The following DOCK3 variants were observed in gnomAD, a reference collection of about 807,000 sequenced individuals.
DOCK3 encodes dedicator of cytokinesis 3, also known as dedicator of cytokinesis protein 3.
DOCK3 carries 60 observed loss-of-function variants against 265.6 expected under a neutral mutation model. The ratio of observed to expected loss-of-function variants is 0.23; its 90% CI spans 0.18 to 0.28. DOCK3 has a LOEUF of 0.28. Ranked by LOEUF, DOCK3 falls within the 10% of genes least tolerant of loss-of-function variation. The pLI is 1.00. For synonymous variants in DOCK3, 881 were observed against 938.0 expected, an observed-to-expected ratio of 0.94 and a Z score of 1.11; for missense variants, 1,981 against 2,594.3, an observed-to-expected ratio of 0.76 and a Z score of 5.14.
At chr3:51,141,104 TG>T (rs978449414) in intron 9 of DOCK3, among the ~76,000 whole-genome samples, 1 of 152,098 alleles carries the variant, frequency 6.6e-6, no homozygotes, top group Non-Finnish European at 1.5e-5. Flanking sequence ...TCCCTTTTTT[TG>T]TTGTTGCTTG....
At chr3:50,917,409 T>C (rs940137554) in intron 4 of DOCK3, among the ~76,000 whole-genome samples, 1 of 152,114 alleles carries the variant, frequency 6.6e-6, no homozygotes, top group Non-Finnish European at 1.5e-5. Flanking sequence ...CCAGGTGTCC[T>C]ATTTCTTCTT....
chr3:50,968,018 T>C (rs2077083945), intron 5 of DOCK3, among the ~76,000 whole-genome samples: 1 of 151,884 alleles, frequency 6.6e-6, no homozygotes, highest in Non-Finnish European at 1.5e-5. Context: ...AGAGTTGCCT[T>C]TTCTCCACAT....
chr3:51,051,092 TC>T (rs1267462193), intron 5 of DOCK3, among the ~76,000 whole-genome samples: 2 of 152,218 alleles, frequency 1.3e-5, no homozygotes, highest in Non-Finnish European at 2.9e-5. Context: ...TCTACCTTAT[TC>T]AGAGTAACAT....
intron 9 of DOCK3, among the ~76,000 whole-genome samples, chr3:51,098,192 G>A (rs550004393): frequency 7.4e-4 from 113 of 152,258 alleles, no homozygotes; most frequent in Non-Finnish European, 1.1e-3. Flanking sequence ...GAGCAGCTGG[G>A]ATTACAGGTG....
In DOCK3 at chr3:51,381,242, G is replaced by A. The variant is rs868974271; in HGVS notation, c.5776G>A (p.Glu1926Lys). Residue 1926 changes from glutamate (E) to lysine (K), a missense_variant, in exon 53 of 53, where the codon GAA becomes AAA. By Grantham distance (56) the Glu-to-Lys change is moderately conservative. Around this residue, in one of 4 missense-constraint regions of DOCK3, gnomAD observed 1,357 missense variants for 1,866.8 expected, o/e 0.73. Coordinates refer to ENST00000266037, the MANE Select transcript of DOCK3 (RefSeq NM_004947.5). This position sits in a 1 kb window ranked among gnomAD's most constrained non-coding sequence, Gnocchi z 5.6. The part of the protein sequence containing the change: ...SMPSQAWNAD[E>K]DLEPPYLPVH... ...GCCAAGTCAGGCCTGGAATGCTGAC[G>A]AAGATCTTGAGCCACCCTACCTCCC... The A allele has an allele frequency of 6.8e-6, 11 of 1,613,712 alleles. No individual in the cohort carries two copies. Among genetic ancestry groups the A allele is most frequent in the African/African-American group, 5.3e-5 (4 of 74,902 alleles).
chr3:50,874,078 T>TTTTG lies in DOCK3; in HGVS notation c.163-15946_163-15945insTGTT, dbSNP rs1553689749. 4.0e-5 allele frequency among the ~76,000 whole-genome samples: 6 copies of TTTTG among 149,954 alleles called. 2 individuals are homozygous for TTTTG. The highest frequency in any genetic ancestry group is 1.5e-4 in the African/African-American group (6 of 41,196). On this transcript the variant is annotated intron_variant, in intron 3 of 52. Coordinates refer to ENST00000266037, the MANE Select transcript of DOCK3 (RefSeq NM_004947.5). ...TTTCTTTTCTTTTGTTTTTTTTTTTTTTGTTAAATTGTTGTACTCTTAGTG... is the reference window on the plus strand; with the variant it reads ...TTTCTTTTCTTTTGTTTTTTTTTTTTTTTGTTGTTAAATTGTTGTACTCTTAGTG...
intron 24 of DOCK3, 128 bp from the exon 25 acceptor site, chr3:51,274,951 A>ACC (rs2080729112): frequency 9.4e-7 from 1 of 1,069,514 alleles, no homozygotes; most frequent in East Asian, 2.4e-5. Flanking sequence ...TAAGGAGATT[A>ACC]CCTTCACTTT....
At chr3:50,681,040 A>G (rs2034370018) in intron 1 of DOCK3, among the ~76,000 whole-genome samples, 1 of 152,036 alleles carries the variant, frequency 6.6e-6, no homozygotes, top group Non-Finnish European at 1.5e-5. Flanking sequence ...CTTTGCCTAG[A>G]CCAATGTCCT....
At chr3:51,250,144 G>A (rs969162214) in intron 22 of DOCK3, among the ~76,000 whole-genome samples, 7 of 151,656 alleles carry the variant, frequency 4.6e-5, no homozygotes, top group Admixed American at 2.0e-4. Flanking sequence ...GCGGAAGGCC[G>A]CAGGGTCCTC....
chr3:51,010,576 T>C (rs9713647), intron 5 of DOCK3, among the ~76,000 whole-genome samples: 10,719 of 152,236 alleles, frequency 0.07, 959 homozygotes, highest in East Asian at 0.33. Context: ...TTTATCCAAG[T>C]TGCCAGTCTG....
intron 21 of DOCK3, among the ~76,000 whole-genome samples, chr3:51,246,497 G>A (rs548241916): frequency 7.2e-5 from 11 of 152,268 alleles, no homozygotes; most frequent in African/African-American, 2.6e-4. Context: ...CAGAGAGAGT[G>A]GGAAAAAGTT....
chr3:50,814,334 T>G (rs985135948), intron 2 of DOCK3, among the ~76,000 whole-genome samples: 4 of 152,142 alleles, frequency 2.6e-5, no homozygotes, highest in African/African-American at 9.7e-5. Flanking sequence ...TGGAGCAATC[T>G]AAGCTCACTG....
rs1334557899 is a variant in DOCK3 at position 51,160,557 on chromosome 3, C to T, written c.892C>T (p.Arg298Trp). ...YIVAHVIRIGRMLLNDSKKGP... is the reference protein window; with the variant it reads ...YIVAHVIRIGWMLLNDSKKGP... ...TGGTGTTTTCTGCTGTGCCCAAGGC[C>T]GGATGCTCCTGAACGACTCAAAGAA... Residue 298 changes from arginine (R) to tryptophan (W), a missense_variant and splice_region_variant, in exon 12 of 53, where the codon CGG becomes TGG. Arg to Trp is a moderately radical substitution (Grantham distance 101). Around this residue, in one of 4 missense-constraint regions of DOCK3, gnomAD observed 456 missense variants for 539.0 expected, o/e 0.85. Transcript: ENST00000266037. 7 of 1,608,066 alleles carry T rather than the reference C, an allele frequency of 4.4e-6. No individual in the cohort carries two copies. Among genetic ancestry groups the T allele is most frequent in the African/African-American group, 1.3e-5 (1 of 74,726 alleles).
intron 2 of DOCK3, among the ~76,000 whole-genome samples, chr3:50,827,318 G>C (rs2044823039): frequency 6.6e-6 from 1 of 152,202 alleles, no homozygotes; most frequent in African/African-American, 2.4e-5. Flanking sequence ...TCTGGGCTGG[G>C]AAGTGCAAGA....
chr3:50,899,358 G>A (rs2049059629), intron 4 of DOCK3, among the ~76,000 whole-genome samples: 1 of 151,986 alleles, frequency 6.6e-6, no homozygotes, highest in Non-Finnish European at 1.5e-5. Flanking sequence ...TTTGTTTTGA[G>A]CCTATGTGTG....
In DOCK3 at chr3:51,280,091, T is replaced by G. The variant is rs767219120; in HGVS notation, c.2824-15T>G. On this transcript the variant is annotated splice_polypyrimidine_tract_variant and intron_variant, in intron 26 of 52. Transcript: ENST00000266037. ...CAATTGGCCATGCTAAGTGTTTTTT[T>G]GGGTTGGTCCCTAGGGCGAGTATGT... 1 of 1,611,906 alleles carries G rather than the reference T, an allele frequency of 6.2e-7. No homozygotes were observed. Among genetic ancestry groups the G allele is most frequent in the Non-Finnish European group, 8.5e-7 (1 of 1,178,904 alleles).
intron 3 of DOCK3, among the ~76,000 whole-genome samples, chr3:50,870,294 C>T (rs1218498523): frequency 2.6e-5 from 4 of 152,096 alleles, no homozygotes; most frequent in Non-Finnish European, 5.9e-5. Flanking sequence ...TTGTGTTCTC[C>T]AGTGTTGGTT....
intron 1 of DOCK3, among the ~76,000 whole-genome samples, chr3:50,693,336 A>T (rs1367363857): frequency 6.6e-6 from 1 of 152,156 alleles, no homozygotes; most frequent in Admixed American, 6.6e-5. Flanking sequence ...CATCTTAACA[A>T]TGTTAAGTCT....
At chr3:51,153,763 A>C (rs933496916) in intron 10 of DOCK3, among the ~76,000 whole-genome samples, 10 of 152,242 alleles carry the variant, frequency 6.6e-5, no homozygotes, top group African/African-American at 1.9e-4. Flanking sequence ...GAAAATACCA[A>C]ACCTCACAAT....
Sources: gnomAD v4.1 joint callset for allele counts (sites outside exome capture counted in the v4.1 genomes callset) on GRCh38, gnomAD v4.1.1 for gene constraint, gnomAD v4.1.1 regional missense constraint, Gnocchi (gnomAD v3.1) non-coding constraint, MANE v1.5 for transcripts, NCBI Gene and HGNC (gene_info 2026-07-23, HGNC 2026-07-21) for gene names.